Variants in AQP11 observed in about 807,000 individuals in gnomAD.
AQP11 encodes aquaporin 11.
In AQP11, 20 loss-of-function variants were observed where a neutral mutation model predicts 21.1. That is an observed-to-expected ratio of 0.95 (90% CI 0.67 to 1.38). The LOEUF is 1.38. AQP11 is among the 40% of genes most tolerant of loss of function. The pLI is 0.00. For missense variants in AQP11, 339 were observed against 340.4 expected, an observed-to-expected ratio of 1.00 and a Z score of 0.03; for synonymous variants, 167 against 150.1, an observed-to-expected ratio of 1.11 and a Z score of -0.82.
intron 2 of AQP11, among the ~76,000 whole-genome samples, chr11:77,607,906 T>C (rs1026153151): frequency 6.6e-5 from 10 of 152,144 alleles, no homozygotes; most frequent in Non-Finnish European, 1.0e-4. Flanking sequence ...GTTCTGACTT[T>C]ATAAAAAATG....
At chr11:77,600,750 C>T (rs527287156) in intron 1 of AQP11, among the ~76,000 whole-genome samples, 2 of 152,272 alleles carry the variant, frequency 1.3e-5, no homozygotes, top group Admixed American at 6.5e-5. Context: ...CGGTGGCTCA[C>T]GCCTGTAATC....
At chr11:77,594,227 C>T (rs564242427) in intron 1 of AQP11, among the ~76,000 whole-genome samples, 41 of 152,284 alleles carry the variant, frequency 2.7e-4, no homozygotes, top group Non-Finnish European at 5.4e-4. Flanking sequence ...ATATATATTT[C>T]ACCATAATTT....
chr11:77,595,312 G>T (rs1260299373), intron 1 of AQP11, among the ~76,000 whole-genome samples: 1 of 152,066 alleles, frequency 6.6e-6, no homozygotes, highest in East Asian at 1.9e-4. Flanking sequence ...TTGCACTCCA[G>T]CCTGGGCAAC....
intron 1 of AQP11, among the ~76,000 whole-genome samples, chr11:77,596,537 A>AATAT (rs529433093): frequency 0.013 from 1,147 of 86,544 alleles, 51 homozygotes; most frequent in South Asian, 0.04. Context: ...TATATATGTA[A>AATAT]ATATATATAT....
chr11:77,592,271 G>GA (rs373492208), intron 1 of AQP11, among the ~76,000 whole-genome samples: 69 of 137,132 alleles, frequency 5.0e-4, no homozygotes, highest in Middle Eastern at 3.6e-3. Flanking sequence ...TGTCTCAAAA[G>GA]AAAAAAAAAA....
intron 2 of AQP11, among the ~76,000 whole-genome samples, chr11:77,605,694 C>T (rs1373378774): frequency 6.6e-6 from 1 of 152,168 alleles, no homozygotes; most frequent in East Asian, 1.9e-4. Context: ...AAACCGGTCC[C>T]TGGTGCTAAA....
intron 2 of AQP11, 135 bp downstream of exon 2, chr11:77,603,807 C>T (rs780582093): frequency 4.1e-5 from 25 of 610,694 alleles, no homozygotes; most frequent in Non-Finnish European, 6.5e-5. Flanking sequence ...AGCTAACATG[C>T]CTGAAATAAT....
intron 2 of AQP11, 101 bp downstream of exon 2, chr11:77,603,773 C>T: frequency 1.2e-6 from 1 of 832,166 alleles, no homozygotes; most frequent in South Asian, 2.5e-5. Flanking sequence ...CCACAGCAGG[C>T]ACAAAACAGA....
chr11:77,604,526 A>G (rs1958833142), intron 2 of AQP11, among the ~76,000 whole-genome samples: 1 of 152,252 alleles, frequency 6.6e-6, no homozygotes, highest in Non-Finnish European at 1.5e-5. Flanking sequence ...GTAAGTGAAT[A>G]TGAAGATGCT....
rs536196385 is a variant in AQP11, at chr11:77,604,932, G to A, written c.736+1260G>A. ...TTTTAGGCCGGGCGCAGTGGCTCAC[G>A]CCTGTAATCCCAGTACTTTGGGAGG... On this transcript the variant is annotated intron_variant, in intron 2 of 2. Transcript: ENST00000313578. Among the ~76,000 whole-genome samples the A allele has an allele frequency of 1.1e-4, 17 of 152,270 alleles. No individual in the cohort carries two copies. The South Asian group carries it at 1.9e-3, about 17-fold the overall frequency.
chr11:77,593,975 G>A (rs746989156), intron 1 of AQP11, among the ~76,000 whole-genome samples: 24 of 152,148 alleles, frequency 1.6e-4, no homozygotes, highest in Non-Finnish European at 3.1e-4. Flanking sequence ...GACAAATACT[G>A]TATGGCTCTA....
At chr11:77,597,289 A>AGT (rs539722374) in intron 1 of AQP11, among the ~76,000 whole-genome samples, 520 of 152,310 alleles carry the variant, frequency 3.4e-3, no homozygotes, top group African/African-American at 0.012. Context: ...ATTTGAAAAC[A>AGT]GGCCAGGCGC....
At chr11:77,605,689 G>C (rs773359077) in intron 2 of AQP11, among the ~76,000 whole-genome samples, 1 of 152,082 alleles carries the variant, frequency 6.6e-6, no homozygotes, top group African/African-American at 2.4e-5. Context: ...CCAGGAAACC[G>C]GTCCCTGGTG....
At chr11:77,595,859 G>A (rs1958775352) in intron 1 of AQP11, among the ~76,000 whole-genome samples, 1 of 151,734 alleles carries the variant, frequency 6.6e-6, no homozygotes. Flanking sequence ...AGGTGGAGGT[G>A]GGAGGATCCC....
chr11:77,603,385 G>T (rs1195169050), intron 1 of AQP11, among the ~76,000 whole-genome samples, 171 bp from the exon 2 acceptor site: 2 of 151,980 alleles, frequency 1.3e-5, no homozygotes, highest in Admixed American at 1.3e-4. Flanking sequence ...ATAGTAAGTG[G>T]CATATTATGA....
At chr11:77,605,254 TAACA>T (rs1958837270) in intron 2 of AQP11, among the ~76,000 whole-genome samples, 1 of 152,166 alleles carries the variant, frequency 6.6e-6, no homozygotes, top group Admixed American at 6.5e-5. Context: ...GTTAAGAAGT[TAACA>T]AACAAGGTCA....
intron 1 of AQP11, among the ~76,000 whole-genome samples, chr11:77,592,102 C>G (rs1958752453): frequency 6.6e-6 from 1 of 151,894 alleles, no homozygotes; most frequent in Non-Finnish European, 1.5e-5. Flanking sequence ...TCCCATCTCT[C>G]CAAAAAATAC....
chr11:77,608,272 A>G (rs926774881), intron 2 of AQP11, among the ~76,000 whole-genome samples: 1 of 152,228 alleles, frequency 6.6e-6, no homozygotes, highest in African/African-American at 2.4e-5. Flanking sequence ...CAAAAGCTAC[A>G]TGCCAGATTT....
At chr11:77,599,978 G>C (rs1958806253) in intron 1 of AQP11, among the ~76,000 whole-genome samples, 2 of 152,044 alleles carry the variant, frequency 1.3e-5, no homozygotes, top group South Asian at 4.2e-4. Context: ...TATTTATTTT[G>C]AGACTGAGAC....
Sources: allele counts gnomAD v4.1 joint callset (sites outside exome capture counted in the v4.1 genomes callset), GRCh38; gene constraint gnomAD v4.1.1; transcripts MANE v1.5; gene names NCBI Gene and HGNC (gene_info 2026-07-23, HGNC 2026-07-21).